The following ZNF17 variants were observed in gnomAD, a reference collection of about 807,000 sequenced individuals.
The protein encoded by ZNF17 is zinc finger protein 17 (HPF3, KOX 10).
ZNF17 carries 4 observed loss-of-function variants against 7.7 expected under a neutral mutation model. The ratio of observed to expected loss-of-function variants is 0.52; its 90% CI spans 0.26 to 1.20. ZNF17 has a LOEUF of 1.20. ZNF17 is among the 50% of genes most tolerant of loss of function. The pLI, the probability that ZNF17 is intolerant of heterozygous loss-of-function variation, is 0.14. For missense variants in ZNF17, 738 were observed against 799.5 expected, an observed-to-expected ratio of 0.92 and a Z score of 0.93; for synonymous variants, 249 against 258.8, an observed-to-expected ratio of 0.96 and a Z score of 0.36.
In ZNF17 at chr19:57,420,957, CAGAG is replaced by C. The variant is rs751216453; in HGVS notation, c.1474_1477del (p.Arg492PhefsTer199). The C allele has an allele frequency of 1.7e-5, 27 of 1,614,002 alleles. No individual in the cohort carries two copies. Among genetic ancestry groups the C allele is most frequent in the Admixed American group, 8.3e-5 (5 of 59,996 alleles). On this transcript the variant is annotated frameshift_variant, in exon 4 of 4. Transcript: ENST00000307658. LOFTEE classifies it low-confidence loss of function (END_TRUNC). ...GGACAGCTGTACACTGAAGAGTCAT[CAGAG>C]AGTTCACACTGGAGAAAGACCTTTT...
rs915460775 is a variant in ZNF17, at chr19:57,417,772, G to A, written c.22-140G>A. The A allele has an allele frequency of 7.3e-5, 74 of 1,018,172 alleles. No homozygotes were observed. The South Asian group carries it at 1.0e-3, about 14-fold the overall frequency. The allele number at this position is 1,018,172 out of a possible 1,614,324, so 63.1% of individuals were successfully genotyped here. On this transcript the variant is annotated intron_variant, in intron 2 of 3. Coordinates refer to ENST00000307658, the MANE Select transcript of ZNF17 (RefSeq NM_001330617.2). ...TGAGGCAGGAGAATCACTTGAATCCGGGAGGCGGAGCTTGCAGTGAGCCGA... is the reference window on the plus strand; with the variant it reads ...TGAGGCAGGAGAATCACTTGAATCCAGGAGGCGGAGCTTGCAGTGAGCCGA...
chr19:57,421,194 C>T lies in ZNF17; in HGVS notation c.1708C>T (p.His570Tyr), dbSNP rs1226238172. Residue 570 changes from histidine (H) to tyrosine (Y), a missense_variant, in exon 4 of 4, where the codon CAC becomes TAC. This residue lies in a region of ZNF17 where 6 missense variants were observed against 21.5 expected (regional missense o/e 0.28). Transcript: ENST00000307658. ...TGGGAGAGTTTTTAGCCAAAATTCC[C>T]ACCTCATTCGGCACCAAAAAGTTCA... Reference protein sequence around the residue: ...ECGRVFSQNSHLIRHQKVHTR... With the variant: ...ECGRVFSQNSYLIRHQKVHTR... 2 of 1,613,948 alleles carry T rather than the reference C, an allele frequency of 1.2e-6. No homozygotes were observed. Among genetic ancestry groups the T allele is most frequent in the African/African-American group, 2.7e-5 (2 of 74,884 alleles).
chr19:57,417,866 A>AG (rs752257929), intron 2 of ZNF17, 46 bp from the exon 3 acceptor site: 5 of 1,580,992 alleles, frequency 3.2e-6, no homozygotes, highest in Non-Finnish European at 4.3e-6. Context: ...AAAAAAAGAA[A>AG]GAAAAAAAAA....
chr19:57,414,959 C>G (rs991734307), intron 2 of ZNF17, among the ~76,000 whole-genome samples: 1 of 152,158 alleles, frequency 6.6e-6, no homozygotes, highest in African/African-American at 2.4e-5. Context: ...ATCTGCCCGC[C>G]TCAGCCTCCC....
At chr19:57,419,539 A>T in intron 3 of ZNF17, 96 bp from the exon 4 acceptor site, 1 of 1,335,962 alleles carries the variant, frequency 7.5e-7, no homozygotes, top group African/African-American at 1.5e-5. Flanking sequence ...CACCAATCCC[A>T]TGGTCTTATT....
rs1568539242 is a variant in ZNF17 at position 57,420,442 on chromosome 19, T to A, written c.956T>A (p.Leu319His). ...AAGGCCTTCCTTACACAGGCTCACC[T>A]TGTTGGTCACCAGAAAATTCATACT... ...CGKAFLTQAH[L>H]VGHQKIHTGE... Residue 319 changes from leucine to histidine, a missense_variant, in exon 4 of 4, where the codon CTT becomes CAT. Physicochemically the swap from Leu to His is moderately conservative, Grantham distance 99. Coordinates refer to ENST00000307658, the MANE Select transcript of ZNF17 (RefSeq NM_001330617.2). 4.3e-6 allele frequency: 7 copies of A among 1,614,142 alleles called. No individual in the cohort carries two copies. Among genetic ancestry groups the A allele is most frequent in the Non-Finnish European group, 4.2e-6 (5 of 1,180,016 alleles).
chr19:57,419,909 T>G lies in ZNF17; in HGVS notation c.423T>G (p.Ser141Arg), dbSNP rs2088836485. The G allele has an allele frequency of 6.2e-7, 1 of 1,614,072 alleles. No individual in the cohort carries two copies. The highest frequency in any genetic ancestry group is 8.5e-7 in the Non-Finnish European group (1 of 1,180,036). The change falls in exon 4 of 4, where the codon AGT (serine) becomes AGG (arginine). Residue 141 changes from serine to arginine, a missense_variant. Transcript: ENST00000307658. ...GGAGGCCTTCGTTTGTGAATGACAG[T>G]GTTCACCTGGCAAAGAGGAACCTCA... ...DEGRPSFVND[S>R]VHLAKRNLTC...
At chr19:57,418,270 G>A (rs1301438718) in intron 3 of ZNF17, among the ~76,000 whole-genome samples, 2 of 152,084 alleles carry the variant, frequency 1.3e-5, no homozygotes, top group African/African-American at 4.8e-5. Flanking sequence ...AAGTCCTCAG[G>A]TTTCTCAAGA....
chr19:57,411,554 G>A, intron 1 of ZNF17, 148 bp downstream of exon 1: 1 of 1,439,786 alleles, frequency 6.9e-7, no homozygotes, highest in East Asian at 2.6e-5. Flanking sequence ...GTGAGGCGGG[G>A]GAGCTCCTGT....
chr19:57,415,291 G>A (rs908690114), intron 2 of ZNF17, among the ~76,000 whole-genome samples: 5 of 152,200 alleles, frequency 3.3e-5, no homozygotes, highest in African/African-American at 9.7e-5. Context: ...TGGCCTTGTT[G>A]AGAAGGTTGG....
intron 2 of ZNF17, among the ~76,000 whole-genome samples, chr19:57,416,439 C>G (rs1438104185): frequency 6.6e-6 from 1 of 152,062 alleles, no homozygotes; most frequent in Non-Finnish European, 1.5e-5. Flanking sequence ...ATCTGAGAGG[C>G]AAGATCTGGG....
rs941907932 is a variant in ZNF17, at chr19:57,421,750, G to A, written c.*269G>A. 1 of 322,264 alleles carries A rather than the reference G, an allele frequency of 3.1e-6. No homozygotes were observed. The highest frequency in any genetic ancestry group is 5.6e-6 in the Non-Finnish European group (1 of 178,342). The allele number at this position is 322,264 out of a possible 1,614,324, so 20.0% of individuals were successfully genotyped here. On this transcript the variant is annotated 3_prime_UTR_variant, in exon 4 of 4. Transcript: ENST00000307658. The stretch of plus-strand genomic sequence containing the variant: ...TCCATCCAGCCTCTTGACAAGCACC[G>A]CTCTGTATGAATTTTACTAGTCCGG...
chr19:57,413,866 G>A lies in ZNF17; in HGVS notation c.21+230G>A, dbSNP rs187849621. ...ATTTGGCAAGGCATCTCAAACACAG[G>A]ATCTAGAATGTTCAAATGCTTGGTG... On this transcript the variant is annotated intron_variant, in intron 2 of 3. Coordinates refer to ENST00000307658, the MANE Select transcript of ZNF17 (RefSeq NM_001330617.2). 3.3e-5 allele frequency among the ~76,000 whole-genome samples: 5 copies of A among 152,224 alleles called. No homozygotes were observed. In the East Asian group the frequency reaches 9.7e-4, roughly 29 times the overall value.
rs1372877722 is a variant in ZNF17 at position 57,411,503 on chromosome 19, A to G, written c.-21+97A>G. 7.9e-6 allele frequency: 12 copies of G among 1,525,028 alleles called. No homozygotes were observed. In the East Asian group the frequency reaches 2.6e-4, roughly 33 times the overall value. 94.5% of individuals were successfully genotyped at this position (1,525,028 alleles called of 1,614,324 possible). A position where few individuals can be genotyped will look rare whatever the true frequency, so the allele number is the denominator to read the frequency against. On this transcript the variant is annotated intron_variant, in intron 1 of 3. Coordinates refer to ENST00000307658, the MANE Select transcript of ZNF17 (RefSeq NM_001330617.2). ...CAGGTCAGGCCCCTGTGTCCCAAAGAGAGGAGCGTTCTTGTGTGGGGTACC... is the reference window on the plus strand; with the variant it reads ...CAGGTCAGGCCCCTGTGTCCCAAAGGGAGGAGCGTTCTTGTGTGGGGTACC...
intron 3 of ZNF17, among the ~76,000 whole-genome samples, chr19:57,418,480 T>G (rs1039378974): frequency 2.6e-5 from 4 of 152,086 alleles, no homozygotes; most frequent in Admixed American, 2.6e-4. Context: ...TCTGGTAACT[T>G]TAGAATACAG....
chr19:57,421,379 G>A lies in ZNF17; in HGVS notation c.1893G>A (p.Arg631=), dbSNP rs375693275. ...ACAACTCCAGCCTCATTAAACATCG[G>A]AGAATTCACACTGGAGAGAGACCTT... The part of the protein sequence containing the change: ...FRYNSSLIKH[R]RIHTGERPYQ... Residue 631 remains arginine (R), a synonymous_variant, in exon 4 of 4, where the codon CGG becomes CGA. Transcript: ENST00000307658. The A allele has an allele frequency of 6.2e-6, 10 of 1,614,012 alleles. No homozygotes were observed. In the African/African-American group the frequency reaches 1.2e-4, roughly 19 times the overall value.
intron 3 of ZNF17, 64 bp downstream of exon 3, chr19:57,418,102 G>T: frequency 6.4e-7 from 1 of 1,571,474 alleles, no homozygotes; most frequent in Non-Finnish European, 8.6e-7. Flanking sequence ...TTTTTCCTTG[G>T]CATCTCCGTC....
intron 2 of ZNF17, among the ~76,000 whole-genome samples, chr19:57,414,335 T>TG (rs2088797926): frequency 6.6e-6 from 1 of 150,912 alleles, no homozygotes; most frequent in African/African-American, 2.4e-5. Flanking sequence ...CACCTGGCCT[T>TG]GTTTTTTTTT....
chr19:57,414,317 A>C (rs1227183261), intron 2 of ZNF17, among the ~76,000 whole-genome samples: 1 of 147,488 alleles, frequency 6.8e-6, no homozygotes, highest in African/African-American at 2.5e-5. Context: ...TACAGGCTTG[A>C]GCCACCACAC....
Sources: allele counts gnomAD v4.1 joint callset (sites outside exome capture counted in the v4.1 genomes callset), GRCh38; gene constraint gnomAD v4.1.1; regional missense constraint gnomAD v4.1.1; transcripts MANE v1.5; gene names NCBI Gene and HGNC (gene_info 2026-07-23, HGNC 2026-07-21).